RAI1: variants seen among roughly 807,000 people sequenced by gnomAD.
The protein encoded by RAI1 is retinoic acid induced 1, also known as retinoic acid-induced protein 1.
RAI1 carries 9 observed loss-of-function variants against 123.8 expected under a neutral mutation model. The observed-to-expected ratio is 0.07, with a 90% CI of 0.04 to 0.13. The LOEUF (loss-of-function observed/expected upper bound fraction) is 0.13. Ranked by LOEUF, RAI1 falls within the 10% of genes least tolerant of loss-of-function variation. RAI1 has a pLI of 1.00. For missense variants in RAI1, 2,256 were observed against 2,545.8 expected, an observed-to-expected ratio of 0.89 and a Z score of 2.45; for synonymous variants, 1,231 against 1,127.3, an observed-to-expected ratio of 1.09 and a Z score of -1.84.
chr17:17,773,361 G>T (rs1006869752), intron 2 of RAI1, among the ~76,000 whole-genome samples: 3 of 152,132 alleles, frequency 2.0e-5, no homozygotes, highest in Non-Finnish European at 4.4e-5. Flanking sequence ...ACAGAACAAG[G>T]TTGCTTGGCG....
chr17:17,783,196 G>A (rs935920123), intron 2 of RAI1, among the ~76,000 whole-genome samples: 3 of 152,072 alleles, frequency 2.0e-5, no homozygotes, highest in Admixed American at 6.5e-5. Flanking sequence ...ACCGGGGACC[G>A]GGGGACCGGG....
At chr17:17,754,001 G>A (rs1302777625) in intron 2 of RAI1, among the ~76,000 whole-genome samples, 2 of 152,110 alleles carry the variant, frequency 1.3e-5, no homozygotes, top group African/African-American at 4.8e-5. Flanking sequence ...AAGCAGGGGA[G>A]ACCTATTTGG....
intron 1 of RAI1, among the ~76,000 whole-genome samples, chr17:17,719,967 T>C (rs748322363): frequency 1.8e-4 from 27 of 152,190 alleles, no homozygotes; most frequent in Non-Finnish European, 2.9e-4. Context: ...GCGTGAGGCT[T>C]ACCAGACCAG....
chr17:17,724,387 G>A (rs1398886583), intron 2 of RAI1, among the ~76,000 whole-genome samples: 2 of 148,364 alleles, frequency 1.3e-5, no homozygotes, highest in Non-Finnish European at 3.0e-5. Context: ...GGTCTCAGAA[G>A]AAGGAATTTC....
intron 2 of RAI1, among the ~76,000 whole-genome samples, chr17:17,730,102 T>C (rs1567855639): frequency 6.6e-6 from 1 of 152,234 alleles, no homozygotes; most frequent in East Asian, 1.9e-4. Flanking sequence ...CAAAAAGCCC[T>C]TTGCACTGAA....
chr17:17,703,524 G>A (rs927215038), intron 1 of RAI1, among the ~76,000 whole-genome samples: 1 of 152,184 alleles, frequency 6.6e-6, no homozygotes, highest in Non-Finnish European at 1.5e-5. Flanking sequence ...CTGGAAAGGT[G>A]TTGGCTCCGG....
chr17:17,687,334 G>C (rs1027555095), intron 1 of RAI1, among the ~76,000 whole-genome samples: 1 of 152,092 alleles, frequency 6.6e-6, no homozygotes, highest in Non-Finnish European at 1.5e-5. Context: ...CTCTGGCCTC[G>C]GTCTCATCTG....
Position 17,801,866 on chromosome 17 carries a change from C to T in RAI1, c.5566-1890C>T, listed in dbSNP as rs536280513. 2.6e-5 allele frequency among the ~76,000 whole-genome samples: 4 copies of T among 152,370 alleles called. No homozygotes were observed. Among genetic ancestry groups the T allele is most frequent in the African/African-American group, 9.6e-5 (4 of 41,592 alleles). On this transcript the variant is annotated intron_variant, in intron 3 of 5. Coordinates refer to ENST00000353383, the MANE Select transcript of RAI1 (RefSeq NM_030665.4). The surrounding 1 kb of genome is among the most constrained non-coding windows in gnomAD (Gnocchi z 4.1). Reference sequence around the variant, plus strand: ...GGGCAGGTTACTCAGCCTCAGCTCTCATTGGTAACCCAGGTAAAATAACAG... The same window carrying T: ...GGGCAGGTTACTCAGCCTCAGCTCTTATTGGTAACCCAGGTAAAATAACAG...
At chr17:17,686,158 G>A (rs907430105) in intron 1 of RAI1, among the ~76,000 whole-genome samples, 7 of 152,254 alleles carry the variant, frequency 4.6e-5, no homozygotes, top group Admixed American at 1.3e-4. Flanking sequence ...AACACAGGAC[G>A]CTCAGAAATG....
At chr17:17,682,162 G>GGGGTGCATTCGCGGGGCGCC in intron 1 of RAI1, among the ~76,000 whole-genome samples, 2 of 150,970 alleles carry the variant, frequency 1.3e-5, no homozygotes, top group South Asian at 4.2e-4. Flanking sequence ...GTGGGGACGT[G>GGGGTGCATTCGCGGGGCGCC]GGGTGCATTC....
chr17:17,796,985 G>A lies in RAI1; in HGVS notation c.4037G>A (p.Cys1346Tyr). The change falls in exon 3 of 6, where the codon TGT becomes TAT. Residue 1346 changes from cysteine (C) to tyrosine (Y), a missense_variant. This residue lies in a region of RAI1 where 322 missense variants were observed against 358.0 expected (regional missense o/e 0.90). Coordinates refer to ENST00000353383, the MANE Select transcript of RAI1 (RefSeq NM_030665.4). This position sits in a 1 kb window ranked among gnomAD's most constrained non-coding sequence, Gnocchi z 5.8. ...TCGCCCAGCCTCAAGAAGTTCGCAT[G>A]TAAAGCGCCAGGGGCCTCTCCTGGT... The part of the protein sequence containing the change: ...ITSPSLKKFA[C>Y]KAPGASPGNP... 1 of 1,613,878 alleles carries A rather than the reference G, an allele frequency of 6.2e-7. No homozygotes were observed. Among genetic ancestry groups the A allele is most frequent in the South Asian group, 1.1e-5 (1 of 91,082 alleles).
At chr17:17,740,771 T>G (rs1255287483) in intron 2 of RAI1, among the ~76,000 whole-genome samples, 3 of 152,212 alleles carry the variant, frequency 2.0e-5, no homozygotes. Context: ...ACCTGCATCC[T>G]GTTGCCCACC....
intron 2 of RAI1, among the ~76,000 whole-genome samples, chr17:17,737,778 T>A (rs1289619705): frequency 6.6e-6 from 1 of 152,104 alleles, no homozygotes; most frequent in East Asian, 1.9e-4. Context: ...TCAGCCTGAT[T>A]TCAGGGCGGG....
chr17:17,729,193 C>G (rs185340894), intron 2 of RAI1, among the ~76,000 whole-genome samples: 103 of 152,356 alleles, frequency 6.8e-4, no homozygotes, highest in Non-Finnish European at 1.2e-3. Flanking sequence ...ATCCACACTG[C>G]TGGGTACCTG....
intron 2 of RAI1, among the ~76,000 whole-genome samples, chr17:17,726,552 G>A (rs1916096049): frequency 6.6e-6 from 1 of 152,196 alleles, no homozygotes; most frequent in Non-Finnish European, 1.5e-5. Context: ...GGCCCCCAGG[G>A]CCTAGCACAC....
chr17:17,797,172 A>C lies in RAI1; in HGVS notation c.4224A>C (p.Leu1408Phe). The C allele has an allele frequency of 6.2e-7, 1 of 1,613,968 alleles. No homozygotes were observed. Among genetic ancestry groups the C allele is most frequent in the Non-Finnish European group, 8.5e-7 (1 of 1,180,040 alleles). The change falls in exon 3 of 6, where the codon TTA becomes TTC. Residue 1408 changes from leucine (L) to phenylalanine (F), a missense_variant. This residue lies in a region of RAI1 where 410 missense variants were observed against 374.6 expected (regional missense o/e 1.09). Coordinates refer to ENST00000353383, the MANE Select transcript of RAI1 (RefSeq NM_030665.4). ...GCAGAAATCCAACCAACAGATCCTTAAAAGGCAAACTCATGAACAGTAAGA... is the reference window on the plus strand; with the variant it reads ...GCAGAAATCCAACCAACAGATCCTTCAAAGGCAAACTCATGAACAGTAAGA... ...PLCRNPTNRS[L>F]KGKLMNSKKL... is the part of the protein sequence containing the mutation.
At chr17:17,701,672 G>A (rs79688259) in intron 1 of RAI1, among the ~76,000 whole-genome samples, 1 of 152,024 alleles carries the variant, frequency 6.6e-6, no homozygotes, top group African/African-American at 2.4e-5. Flanking sequence ...ATGGCTCACT[G>A]TAGCCCTCAA....
At chr17:17,751,903 C>G (rs1233078214) in intron 2 of RAI1, among the ~76,000 whole-genome samples, 1 of 152,196 alleles carries the variant, frequency 6.6e-6, no homozygotes, top group East Asian at 1.9e-4. Context: ...TATTGGCTGC[C>G]TCCCTTCCGT....
chr17:17,744,288 C>T (rs1916737891), intron 2 of RAI1, among the ~76,000 whole-genome samples: 1 of 152,130 alleles, frequency 6.6e-6, no homozygotes, highest in South Asian at 2.1e-4. Context: ...TGGCCCTTCC[C>T]TGCTAAGAGC....
Sources: allele counts gnomAD v4.1 joint callset (sites outside exome capture counted in the v4.1 genomes callset), GRCh38; gene constraint gnomAD v4.1.1; regional missense constraint gnomAD v4.1.1; non-coding constraint Gnocchi (gnomAD v3.1); transcripts MANE v1.5; gene names NCBI Gene and HGNC (gene_info 2026-07-23, HGNC 2026-07-21).